The following CEP95 variants were observed in gnomAD, a reference collection of about 807,000 sequenced individuals.
CEP95 encodes centrosomal protein of 95 kDa.
Under a neutral mutation model 111.2 loss-of-function variants are expected in CEP95, and 98 were observed. The ratio of observed to expected loss-of-function variants is 0.88; its 90% CI spans 0.75 to 1.04. The LOEUF (loss-of-function observed/expected upper bound fraction) is 1.04, where lower values mean the gene tolerates loss of function less well. Among genes scored for constraint, CEP95 ranks in the 50% least tolerant of loss-of-function variants. The pLI, the probability that CEP95 is intolerant of heterozygous loss-of-function variation, is 0.00. For missense variants in CEP95, 1,027 were observed against 977.2 expected (o/e 1.05, Z -0.68); for synonymous variants, 323 against 327.1 (o/e 0.99, Z 0.14).
chr17:64,534,778 A>G (rs782030824), intron 17 of CEP95, 41 bp downstream of exon 17: 3 of 1,590,440 alleles, frequency 1.9e-6, no homozygotes, highest in Non-Finnish European at 2.6e-6. Flanking sequence ...AAGAAGGTGA[A>G]CTTTGTTATC....
rs2144300458 is a variant in CEP95 at position 64,507,001 on chromosome 17, T to C, written c.-97T>C. ...CCTTCCCCGCGCTTTGGTTCGTGCG[T>C]CCGCGCCCCAGTGTCGGGTCTGCGT... On this transcript the variant is annotated 5_prime_UTR_variant, in exon 1 of 20. Coordinates refer to ENST00000556440, the MANE Select transcript of CEP95 (RefSeq NM_138363.3). 2 of 1,425,214 alleles carry C rather than the reference T, an allele frequency of 1.4e-6. No homozygotes were observed. The highest frequency in any genetic ancestry group is 1.9e-6 in the Non-Finnish European group (2 of 1,032,784). The allele number at this position is 1,425,214 out of a possible 1,614,324, so 88.3% of individuals were successfully genotyped here. A position where few individuals can be genotyped will look rare whatever the true frequency, so the allele number is the denominator to read the frequency against.
In CEP95 at chr17:64,537,777, T is replaced by C; in HGVS notation, c.2464T>C (p.Ter822ArgextTer4). The change falls in exon 20 of 20, where the codon TGA (stop) becomes CGA (arginine). Residue 822 changes from the stop codon to arginine, a stop_lost. Coordinates refer to ENST00000556440, the MANE Select transcript of CEP95 (RefSeq NM_138363.3). ...TCAGTACAGTAAAAGTCCCTCCCTATGAGGCCAGACTTGATAATAGTAGGT... is the reference window on the plus strand; with the variant it reads ...TCAGTACAGTAAAAGTCCCTCCCTACGAGGCCAGACTTGATAATAGTAGGT... ...SFQYSKSPSL[*>R] The C allele has an allele frequency of 6.3e-7, 1 of 1,584,818 alleles. No individual in the cohort carries two copies. The highest frequency in any genetic ancestry group is 8.6e-7 in the Non-Finnish European group (1 of 1,164,264).
intron 19 of CEP95, 37 bp from the exon 20 acceptor site, chr17:64,537,566 G>A (rs1194295365): frequency 1.9e-6 from 3 of 1,544,802 alleles, no homozygotes; most frequent in Non-Finnish European, 2.6e-6. Flanking sequence ...CTGGATAAAT[G>A]CTGTGAACAG....
intron 3 of CEP95, among the ~76,000 whole-genome samples, chr17:64,513,766 T>G (rs952696838): frequency 9.3e-5 from 14 of 150,860 alleles, no homozygotes; most frequent in South Asian, 2.1e-4. Flanking sequence ...AAGTTTATTG[T>G]TTTTTTTTGT....
At chr17:64,508,383 A>T in intron 1 of CEP95, 1 of 984,692 alleles carries the variant, frequency 1.0e-6, no homozygotes. Flanking sequence ...AAATTACAGC[A>T]CTCTGGAAAT....
chr17:64,514,266 G>A lies in CEP95; in HGVS notation c.275G>A (p.Gly92Glu). Residue 92 changes from glycine (G) to glutamate (E), a missense_variant, in exon 4 of 20, where the codon GGA becomes GAA. Gly to Glu is a moderately conservative substitution (Grantham distance 98). Coordinates refer to ENST00000556440, the MANE Select transcript of CEP95 (RefSeq NM_138363.3). Reference protein sequence around the residue: ...SHITGENIVKGDKESIKNLLE... With the variant: ...SHITGENIVKEDKESIKNLLE... ...TCTCCAGGAGAAAATATAGTGAAAG[G>A]AGATAAAGAATCTATTAAGAATCTC... The A allele has an allele frequency of 7.1e-7, 1 of 1,409,676 alleles. No homozygotes were observed. The highest frequency in any genetic ancestry group is 9.8e-7 in the Non-Finnish European group (1 of 1,018,786). 87.3% of individuals were successfully genotyped at this position (1,409,676 alleles called of 1,614,324 possible).
rs368152443 is a variant in CEP95, at chr17:64,522,820, A to G, written c.834A>G (p.Ile278Met). 29 of 1,613,698 alleles carry G rather than the reference A, an allele frequency of 1.8e-5. No individual in the cohort carries two copies. Among genetic ancestry groups the G allele is most frequent in the Non-Finnish European group, 2.4e-5 (28 of 1,179,846 alleles). The change falls in exon 8 of 20, where the codon ATA becomes ATG. Residue 278 changes from isoleucine (I) to methionine (M), a missense_variant. Transcript: ENST00000556440. ...CAGAGCCTCGAGCACCCTGCCCCAT[A>G]GGAAAAGAATACTTGCATTCAAGTC... ...HPSEPRAPCPIGKEYLHSSHC... is the reference protein window; with the variant it reads ...HPSEPRAPCPMGKEYLHSSHC...
At chr17:64,507,498 A>G in intron 1 of CEP95, 1 of 1,188,440 alleles carries the variant, frequency 8.4e-7, no homozygotes, top group Non-Finnish European at 1.0e-6. Flanking sequence ...ATTGGTCTTT[A>G]AAGGAACAGC....
At position 64,529,545 on chromosome 17, in the gene CEP95, G is replaced by C. The variant is rs185768636; in HGVS notation, c.1446+118G>C. On this transcript the variant is annotated intron_variant, in intron 12 of 19. Transcript: ENST00000556440. ...TAAAATACATTTAATATTCTTGAGC[G>C]GAGTGGATGATAGAGAGCTATGTGA... is the stretch of plus-strand genomic sequence containing the variant. 299 of 1,030,118 alleles carry C rather than the reference G, an allele frequency of 2.9e-4. No individual in the cohort carries two copies. The African/African-American group carries it at 4.5e-3, about 15-fold the overall frequency. 63.8% of individuals were successfully genotyped at this position (1,030,118 alleles called of 1,614,324 possible). A position where few individuals can be genotyped will look rare whatever the true frequency, so the allele number is the denominator to read the frequency against.
chr17:64,536,057 CA>C (rs1968630668), intron 17 of CEP95: 1 of 152,144 alleles, frequency 6.6e-6, no homozygotes, highest in African/African-American at 2.4e-5. Context: ...AAGGATGGGA[CA>C]GGGGGAATGA....
intron 3 of CEP95, among the ~76,000 whole-genome samples, chr17:64,512,389 G>A (rs1290704204): frequency 6.6e-6 from 1 of 152,166 alleles, no homozygotes; most frequent in Non-Finnish European, 1.5e-5. Flanking sequence ...TATCTATTCA[G>A]AAGTTTTTTT....
intron 8 of CEP95, among the ~76,000 whole-genome samples, chr17:64,525,472 T>G (rs1967737902): frequency 6.6e-6 from 1 of 152,240 alleles, no homozygotes; most frequent in Non-Finnish European, 1.5e-5. Context: ...GTGATAATTT[T>G]TTTGTTGCTC....
At chr17:64,529,476 C>T (rs782167767) in intron 12 of CEP95, 49 bp downstream of exon 12, 2 of 1,586,528 alleles carry the variant, frequency 1.3e-6, no homozygotes, top group Non-Finnish European at 1.7e-6. Context: ...AGTACCATTT[C>T]CCCTCAGCCA....
At chr17:64,522,597 T>A in intron 7 of CEP95, 105 bp from the exon 8 acceptor site, 1 of 689,440 alleles carries the variant, frequency 1.5e-6, no homozygotes. Context: ...TTAAAAAATA[T>A]TTCTAATGTA....
chr17:64,536,739 T>C lies in CEP95; in HGVS notation c.2208T>C (p.Tyr736=), dbSNP rs1968682725. 1 of 1,603,234 alleles carries C rather than the reference T, an allele frequency of 6.2e-7. No individual in the cohort carries two copies. Among genetic ancestry groups the C allele is most frequent in the Non-Finnish European group, 8.5e-7 (1 of 1,177,124 alleles). The change falls in exon 18 of 20, where the codon TAT becomes TAC. Residue 736 remains tyrosine (Y), a synonymous_variant. Coordinates refer to ENST00000556440, the MANE Select transcript of CEP95 (RefSeq NM_138363.3). ...AACTGGACTCCATGGAGAACTACTATAAGGACCAGGTGGGCTCCTGGCACT... is the reference window on the plus strand; with the variant it reads ...AACTGGACTCCATGGAGAACTACTACAAGGACCAGGTGGGCTCCTGGCACT... The part of the protein sequence containing the change: ...QDELDSMENY[Y]KDQFSLLAEA...
At chr17:64,508,982 C>T (rs1555673954) in intron 2 of CEP95, among the ~76,000 whole-genome samples, 1 of 151,884 alleles carries the variant, frequency 6.6e-6, no homozygotes, top group Non-Finnish European at 1.5e-5. Flanking sequence ...ATAATAACGG[C>T]CTTGAGCAGA....
chr17:64,530,599 CCCGGG>C (rs1968203934), intron 12 of CEP95, among the ~76,000 whole-genome samples: 4 of 151,246 alleles, frequency 2.6e-5, no homozygotes, highest in Non-Finnish European at 5.9e-5. Flanking sequence ...ACCTCCGTTT[CCCGGG>C]TTCAAGCGAT....
intron 8 of CEP95, 75 bp from the exon 9 acceptor site, chr17:64,525,695 C>T (rs1346752547): frequency 3.3e-6 from 3 of 920,154 alleles, no homozygotes; most frequent in East Asian, 5.4e-5. Context: ...ACAGTTCCTC[C>T]CTTCCTCACT....
At chr17:64,510,023 G>T (rs1056387213) in intron 2 of CEP95, 150 bp from the exon 3 acceptor site, 4 of 607,488 alleles carry the variant, frequency 6.6e-6, no homozygotes, top group East Asian at 2.8e-5. Context: ...AGAGTTCAGG[G>T]TTTATTAACT....
Sources: allele counts gnomAD v4.1 joint callset (sites outside exome capture counted in the v4.1 genomes callset), GRCh38; gene constraint gnomAD v4.1.1; transcripts MANE v1.5; gene names NCBI Gene and HGNC (gene_info 2026-07-23, HGNC 2026-07-21).